Variants in UBA6 observed in about 807,000 individuals in gnomAD.
UBA6 encodes ubiquitin like modifier activating enzyme 6.
UBA6 carries 87 observed loss-of-function variants against 148.3 expected under a neutral mutation model. That is an observed-to-expected ratio of 0.59 (90% confidence interval 0.49 to 0.70). The LOEUF is 0.70. UBA6 is among the 30% of genes least tolerant of loss of function. The pLI is 0.00. For missense variants in UBA6, 1,186 were observed against 1,241.2 expected (o/e 0.96, Z 0.67); for synonymous variants, 376 against 401.0 (o/e 0.94, Z 0.75).
chr4:67,648,345 G>A (rs571501308), intron 14 of UBA6, among the ~76,000 whole-genome samples: 1 of 151,464 alleles, frequency 6.6e-6, no homozygotes, highest in East Asian at 2.0e-4. Flanking sequence ...GTCTGCATCT[G>A]TAACCCCAGC....
chr4:67,636,312 G>A (rs1186785654), intron 19 of UBA6, among the ~76,000 whole-genome samples: 1 of 152,176 alleles, frequency 6.6e-6, no homozygotes. Context: ...ACCATAGGAG[G>A]ATTTAATTTA....
At chr4:67,664,012 TA>T (rs1198439230) in intron 10 of UBA6, 65 bp from the exon 11 acceptor site, 2 of 1,281,428 alleles carry the variant, frequency 1.6e-6, no homozygotes, top group African/African-American at 2.9e-5. Context: ...AATATACTGT[TA>T]CATGTCAGTG....
rs1159572027 is a variant in UBA6 at position 67,701,088 on chromosome 4, T to C, written c.32A>G (p.Gln11Arg). 3 of 1,613,552 alleles carry C rather than the reference T, an allele frequency of 1.9e-6. No homozygotes were observed. In the Admixed American group the frequency reaches 5.0e-5, roughly 27 times the overall value. Residue 11 changes from glutamine (Q) to arginine (R), a missense_variant, in exon 1 of 33, where the codon CAG becomes CGG. By Grantham distance (43) the Gln-to-Arg change is conservative. Coordinates refer to ENST00000322244, the MANE Select transcript of UBA6 (RefSeq NM_018227.6). ...GGAAGAACAGGACGCCTCTTCCCCC[T>C]GATGGGCGGCCACAGGCTCGGATCC... MEGSEPVAAH[Q>R]GEEASCSSWG...
At chr4:67,665,439 T>G (rs1350850279) in intron 9 of UBA6, 147 bp from the exon 10 acceptor site, 50 of 480,304 alleles carry the variant, frequency 1.0e-4, no homozygotes, top group East Asian at 2.9e-4. Context: ...TTGTTTTTTT[T>G]TTTTTTTAAT....
In UBA6 at chr4:67,634,516, C is replaced by A; in HGVS notation, c.1845G>T (p.Arg615=). The A allele has an allele frequency of 1.3e-6, 2 of 1,555,790 alleles. No individual in the cohort carries two copies. The highest frequency in any genetic ancestry group is 1.7e-6 in the Non-Finnish European group (2 of 1,160,628). The change falls in exon 21 of 33, where the codon CGG becomes CGT. Residue 615 remains arginine, a splice_region_variant and synonymous_variant. Transcript: ENST00000322244. The part of the protein sequence containing the change: ...PHLTESYNSH[R]DPPEEEIPFC... The stretch of plus-strand genomic sequence containing the variant: ...ATGGTATTTCCTCTTCTGGGGGATC[C>A]CGCTAATTTATAAAATATGACAACA...
chr4:67,681,105 G>C (rs558836587), intron 4 of UBA6, among the ~76,000 whole-genome samples: 1 of 152,120 alleles, frequency 6.6e-6, no homozygotes, highest in Non-Finnish European at 1.5e-5. Context: ...GACAACAAAT[G>C]TTGCTTAAGC....
chr4:67,638,032 G>A (rs1729208669), intron 19 of UBA6: 1 of 152,254 alleles, frequency 6.6e-6, no homozygotes, highest in African/African-American at 2.4e-5. Context: ...AGAGTAGATA[G>A]GTAGATTAGA....
intron 4 of UBA6, 130 bp downstream of exon 4, chr4:67,681,433 T>C (rs988241706): frequency 1.8e-5 from 10 of 570,888 alleles, no homozygotes; most frequent in Admixed American, 4.4e-5. Flanking sequence ...TTTTTAAATT[T>C]CCATGATTTT....
At chr4:67,696,874 G>T (rs563732661) in intron 1 of UBA6, among the ~76,000 whole-genome samples, 167 bp from the exon 2 acceptor site, 65 of 152,180 alleles carry the variant, frequency 4.3e-4, no homozygotes, top group African/African-American at 1.5e-3. Context: ...TAAATTATCG[G>T]ATTGCTTGTT....
At chr4:67,652,673 T>A (rs1296945784) in intron 13 of UBA6, among the ~76,000 whole-genome samples, 1 of 152,046 alleles carries the variant, frequency 6.6e-6, no homozygotes, top group Non-Finnish European at 1.5e-5. Context: ...CTGGAACTGG[T>A]TGGACAGTGG....
At chr4:67,650,083 C>T (rs1246911399) in intron 13 of UBA6, among the ~76,000 whole-genome samples, 2 of 152,064 alleles carry the variant, frequency 1.3e-5, no homozygotes, top group African/African-American at 4.8e-5. Flanking sequence ...AACTATTGAG[C>T]ACTAGCCTCA....
At chr4:67,654,075 A>G (rs1293704339) in intron 13 of UBA6, among the ~76,000 whole-genome samples, 1 of 152,234 alleles carries the variant, frequency 6.6e-6, no homozygotes, top group East Asian at 1.9e-4. Flanking sequence ...TGTAACTAAA[A>G]GTGACAGGGA....
Position 67,614,537 on chromosome 4 carries a change from G to T in UBA6, c.*4460C>A, listed in dbSNP as rs988473389. The T allele has an allele frequency of 6.6e-6, 1 of 152,086 alleles. No homozygotes were observed. Among genetic ancestry groups the T allele is most frequent in the Admixed American group, 6.6e-5 (1 of 15,262 alleles). The allele number at this position is 152,086 out of a possible 1,614,324, so 9.4% of individuals were successfully genotyped here. ...ATAAAACCCAGATTTTTCAATAAAC[G>T]GTAGTGAGGCATCTCCTAGCATACA... On this transcript the variant is annotated 3_prime_UTR_variant, in exon 33 of 33. Coordinates refer to ENST00000322244, the MANE Select transcript of UBA6 (RefSeq NM_018227.6).
chr4:67,686,000 TG>T (rs1730549458), intron 2 of UBA6, among the ~76,000 whole-genome samples: 1 of 152,188 alleles, frequency 6.6e-6, no homozygotes, highest in Non-Finnish European at 1.5e-5. Flanking sequence ...TTAAATGCTG[TG>T]AAGTTCATAA....
chr4:67,672,797 T>C (rs902304984), intron 7 of UBA6, among the ~76,000 whole-genome samples: 2 of 152,166 alleles, frequency 1.3e-5, no homozygotes, highest in African/African-American at 4.8e-5. Context: ...TTATATAGCC[T>C]GTTCTTTCTC....
intron 16 of UBA6, among the ~76,000 whole-genome samples, 176 bp from the exon 17 acceptor site, chr4:67,644,954 C>T (rs1729389143): frequency 1.3e-5 from 2 of 151,270 alleles, no homozygotes; most frequent in African/African-American, 4.8e-5. Flanking sequence ...TTTAAAAATT[C>T]CAAATAAAAT....
At chr4:67,642,408 A>G (rs1017132457) in intron 17 of UBA6, among the ~76,000 whole-genome samples, 2 of 152,096 alleles carry the variant, frequency 1.3e-5, no homozygotes, top group Non-Finnish European at 2.9e-5. Context: ...TTTCCATGAG[A>G]TCAGTTACAC....
intron 20 of UBA6, among the ~76,000 whole-genome samples, chr4:67,635,248 A>G (rs1277589889): frequency 6.6e-6 from 1 of 152,148 alleles, no homozygotes; most frequent in Non-Finnish European, 1.5e-5. Flanking sequence ...AAACAGAAGA[A>G]TAATGCTCCA....
intron 31 of UBA6, 57 bp downstream of exon 31, chr4:67,623,078 C>G: frequency 6.9e-7 from 1 of 1,451,428 alleles, no homozygotes; most frequent in Admixed American, 2.1e-5. Flanking sequence ...TAAATAAAAA[C>G]AAAACAGAAA....
Sources: gnomAD v4.1 joint callset for allele counts (sites outside exome capture counted in the v4.1 genomes callset) on GRCh38, gnomAD v4.1.1 for gene constraint, MANE v1.5 for transcripts, NCBI Gene and HGNC (gene_info 2026-07-23, HGNC 2026-07-21) for gene names.